The following PTPRQ variants were observed in gnomAD, a reference collection of about 807,000 sequenced individuals.
PTPRQ encodes protein tyrosine phosphatase receptor type Q, also known as phosphatidylinositol phosphatase PTPRQ.
In PTPRQ, 199 loss-of-function variants were observed where a neutral mutation model predicts 246.0. That is an observed-to-expected ratio of 0.81 (90% CI 0.72 to 0.91). The LOEUF (loss-of-function observed/expected upper bound fraction) is 0.91, where lower values mean the gene tolerates loss of function less well. Ranked by LOEUF, PTPRQ falls within the 40% of genes least tolerant of loss-of-function variation. The pLI is 0.00. For synonymous variants in PTPRQ, 869 were observed against 853.2 expected (o/e 1.02, Z -0.32); for missense variants, 2,624 against 2,528.4 (o/e 1.04, Z -0.81).
chr12:80,579,140 C>T (rs1003842354), intron 25 of PTPRQ, among the ~76,000 whole-genome samples: 3 of 152,094 alleles, frequency 2.0e-5, no homozygotes, highest in African/African-American at 7.2e-5. Context: ...TGTAAAATAT[C>T]GAACAAGTTT....
At chr12:80,605,718 C>A (rs535341667) in intron 27 of PTPRQ, among the ~76,000 whole-genome samples, 1 of 150,972 alleles carries the variant, frequency 6.6e-6, no homozygotes, top group South Asian at 2.1e-4. Flanking sequence ...CAAGAAAAAT[C>A]AAGTCTTTTG....
intron 17 of PTPRQ, among the ~76,000 whole-genome samples, chr12:80,512,378 G>A (rs1386433621): frequency 6.6e-6 from 1 of 152,148 alleles, no homozygotes; most frequent in African/African-American, 2.4e-5. Context: ...AGCATTTTAA[G>A]GGATGCTGTT....
intron 35 of PTPRQ, among the ~76,000 whole-genome samples, chr12:80,642,869 G>T (rs890113758): frequency 7.3e-6 from 1 of 136,096 alleles, no homozygotes; most frequent in Non-Finnish European, 1.5e-5. Flanking sequence ...GCAGTGAGCC[G>T]AGATCCCGCC....
intron 9 of PTPRQ, among the ~76,000 whole-genome samples, chr12:80,486,901 T>C (rs971181542): frequency 6.6e-6 from 1 of 152,194 alleles, no homozygotes; most frequent in Non-Finnish European, 1.5e-5. Flanking sequence ...TTGAAACTAT[T>C]TGTTCCTTAA....
chr12:80,613,500 T>C (rs1898632291), intron 28 of PTPRQ, 92 bp from the exon 29 acceptor site: 2 of 1,314,226 alleles, frequency 1.5e-6, no homozygotes, highest in South Asian at 1.5e-5. Flanking sequence ...GGAATACTCT[T>C]TAAAAACAGA....
intron 25 of PTPRQ, among the ~76,000 whole-genome samples, chr12:80,567,760 T>A (rs1897022886): frequency 6.6e-6 from 1 of 152,174 alleles, no homozygotes. Context: ...TTTGTACAAA[T>A]CTTTTTTCTG....
At chr12:80,547,643 C>T in intron 24 of PTPRQ, among the ~76,000 whole-genome samples, 1 of 152,040 alleles carries the variant, frequency 6.6e-6, no homozygotes, top group East Asian at 1.9e-4. Flanking sequence ...GAATTTGAGC[C>T]CCATGACCTA....
At chr12:80,617,837 G>T (rs1238399399) in intron 30 of PTPRQ, among the ~76,000 whole-genome samples, 1 of 151,442 alleles carries the variant, frequency 6.6e-6, no homozygotes, top group Non-Finnish European at 1.5e-5. Context: ...AAGTTGGATA[G>T]TAATGTCCAA....
At chr12:80,634,814 A>T in intron 34 of PTPRQ, 131 bp from the exon 35 acceptor site, 1 of 1,331,826 alleles carries the variant, frequency 7.5e-7, no homozygotes, top group Non-Finnish European at 9.9e-7. Context: ...ATAAATTTGC[A>T]ACATATTCAG....
rs1901255095 is a variant in PTPRQ, at chr12:80,679,670, A to G, written c.*647A>G. Reference sequence around the variant, plus strand: ...ATCTTCAGTTTGAGAACCTTAAAAGAAAAATTAAAAGTGCAATTGCACACA... The same window carrying G: ...ATCTTCAGTTTGAGAACCTTAAAAGGAAAATTAAAAGTGCAATTGCACACA... On this transcript the variant is annotated 3_prime_UTR_variant, in exon 45 of 45. Transcript: ENST00000644991. 6.6e-6 allele frequency: 1 copy of G among 152,020 alleles called. No homozygotes were observed. The highest frequency in any genetic ancestry group is 1.5e-5 in the Non-Finnish European group (1 of 67,956). The allele number at this position is 152,020 out of a possible 1,614,324, so 9.4% of individuals were successfully genotyped here. A position where few individuals can be genotyped will look rare whatever the true frequency, so the allele number is the denominator to read the frequency against.
At chr12:80,620,861 C>G (rs952484364) in intron 32 of PTPRQ, among the ~76,000 whole-genome samples, 3 of 151,726 alleles carry the variant, frequency 2.0e-5, no homozygotes, top group Non-Finnish European at 1.5e-5. Context: ...ATATTTAATA[C>G]CACCTTTAAT....
At chr12:80,613,860 A>G (rs766649983) in intron 29 of PTPRQ, 24 bp downstream of exon 29, 35 of 1,471,242 alleles carry the variant, frequency 2.4e-5, no homozygotes, top group Non-Finnish European at 3.0e-5. Context: ...GCTTCAGTTA[A>G]TTACCCAAAT....
At chr12:80,656,037 A>G (rs1311084154) in intron 38 of PTPRQ, among the ~76,000 whole-genome samples, 1 of 152,204 alleles carries the variant, frequency 6.6e-6, no homozygotes, top group African/African-American at 2.4e-5. Context: ...GTTGACTCAG[A>G]TAGTTATAAG....
intron 35 of PTPRQ, among the ~76,000 whole-genome samples, chr12:80,645,822 G>C (rs926540511): frequency 6.6e-6 from 1 of 152,080 alleles, no homozygotes; most frequent in Non-Finnish European, 1.5e-5. Context: ...GGGATATATA[G>C]AGAATATCTG....
rs1482743835 is a variant in PTPRQ at position 80,444,350 on chromosome 12, A to G, written c.5A>G (p.Asp2Gly). The G allele has an allele frequency of 1.4e-6, 2 of 1,447,662 alleles. No homozygotes were observed. Among genetic ancestry groups the G allele is most frequent in the South Asian group, 2.5e-5 (2 of 81,260 alleles). 89.7% of individuals were successfully genotyped at this position (1,447,662 alleles called of 1,614,324 possible). A position where few individuals can be genotyped will look rare whatever the true frequency, so the allele number is the denominator to read the frequency against. Residue 2 changes from aspartate (D) to glycine (G), a missense_variant, in exon 1 of 45, where the codon GAT becomes GGT. Asp to Gly is a moderately conservative substitution (Grantham distance 94). Transcript: ENST00000644991. ...TGGCTGAAAAATGTAATAAAGATGG[A>G]TTTTCTTATCATTTTTCTTTTACTT... Reference protein sequence around the residue: MDFLIIFLLLFI... With the variant: MGFLIIFLLLFI...
rs765015203 is a variant in PTPRQ at position 80,620,413 on chromosome 12, C to A, written c.5612+37C>A. On this transcript the variant is annotated intron_variant, in intron 32 of 44. Coordinates refer to ENST00000644991, the MANE Select transcript of PTPRQ (RefSeq NM_001145026.2). ...TTATATCTACCATGCATTCTGTTAG[C>A]AAGCTAGTTAGTATCTTTCATCCAT... is the stretch of plus-strand genomic sequence containing the variant. 1.9e-6 allele frequency: 3 copies of A among 1,543,706 alleles called. No individual in the cohort carries two copies. The South Asian group carries it at 3.6e-5, about 19-fold the overall frequency.
At chr12:80,601,577 C>A (rs1434617722) in intron 26 of PTPRQ, among the ~76,000 whole-genome samples, 1 of 151,678 alleles carries the variant, frequency 6.6e-6, no homozygotes, top group Non-Finnish European at 1.5e-5. Context: ...TGTTTTATAC[C>A]ACTTGAAATG....
At chr12:80,651,067 C>T (rs1403332403) in intron 37 of PTPRQ, among the ~76,000 whole-genome samples, 1 of 152,008 alleles carries the variant, frequency 6.6e-6, no homozygotes, top group Non-Finnish European at 1.5e-5. Flanking sequence ...TTGTATTTGG[C>T]ACATACAATC....
intron 39 of PTPRQ, among the ~76,000 whole-genome samples, chr12:80,663,330 A>G (rs1263244451): frequency 2.0e-5 from 3 of 151,848 alleles, no homozygotes; most frequent in African/African-American, 7.2e-5. Flanking sequence ...TATTGTCTAT[A>G]TTACTCTGTG....
Sources: gnomAD v4.1 joint callset for allele counts (sites outside exome capture counted in the v4.1 genomes callset) on GRCh38, gnomAD v4.1.1 for gene constraint, MANE v1.5 for transcripts, NCBI Gene and HGNC (gene_info 2026-07-23, HGNC 2026-07-21) for gene names.